Variants in CACNB2 observed in about 807,000 individuals in gnomAD.
CACNB2 encodes the protein voltage-dependent L-type calcium channel subunit beta-2.
CACNB2 carries 42 observed loss-of-function variants against 73.3 expected under a neutral mutation model. The ratio of observed to expected loss-of-function variants is 0.57; its 90% CI spans 0.45 to 0.74. The LOEUF (loss-of-function observed/expected upper bound fraction) is 0.74. Ranked by LOEUF, CACNB2 falls within the 30% of genes least tolerant of loss-of-function variation. CACNB2 has a pLI of 0.00. For synonymous variants in CACNB2, 348 were observed against 310.3 expected, an observed-to-expected ratio of 1.12 and a Z score of -1.28; for missense variants, 940 against 853.0, an observed-to-expected ratio of 1.10 and a Z score of -1.27.
chr10:18,532,498 C>G (rs969800399), intron 10 of CACNB2, among the ~76,000 whole-genome samples: 1 of 151,762 alleles, frequency 6.6e-6, no homozygotes. Context: ...CATGGTGAAA[C>G]GCCATCTCTA....
chr10:18,174,121 T>C (rs2033426528), intron 2 of CACNB2, among the ~76,000 whole-genome samples: 1 of 152,296 alleles, frequency 6.6e-6, no homozygotes, highest in East Asian at 1.9e-4. Context: ...TTACCATTGT[T>C]TGAAAGAAGT....
intron 2 of CACNB2, among the ~76,000 whole-genome samples, chr10:18,346,527 A>G (rs1020603569): frequency 2.6e-5 from 4 of 152,146 alleles, no homozygotes; most frequent in African/African-American, 9.7e-5. Flanking sequence ...TAATTCACAA[A>G]TAGTCATCAC....
chr10:18,417,360 C>CTTTTT (rs34847923), intron 3 of CACNB2, among the ~76,000 whole-genome samples: 14 of 87,004 alleles, frequency 1.6e-4, no homozygotes, highest in African/African-American at 3.6e-4. Context: ...GCTAAAAATT[C>CTTTTT]TTTTTTTTTT....
Position 18,172,924 on chromosome 10 carries a change from C to CTTTT in CACNB2, c.213+21961_213+21964dup, listed in dbSNP as rs58345605. ...CTTCAAATAGGGAAAATAATAAGGC[C>CTTTT]TTTTTTTTTTTTTTTAAATGGAGTT... On this transcript the variant is annotated intron_variant, in intron 2 of 13. Coordinates refer to ENST00000324631, the MANE Select transcript of CACNB2 (RefSeq NM_201596.3). Among the ~76,000 whole-genome samples, 56 of 117,478 alleles carry CTTTT rather than the reference C, an allele frequency of 4.8e-4. 1 individual carries two copies. The highest frequency in any genetic ancestry group is 1.8e-3 in the African/African-American group (54 of 30,128). 77.1% of individuals were successfully genotyped at this position (117,478 alleles called of 152,430 possible).
chr10:18,235,121 C>T (rs12243820), intron 2 of CACNB2, among the ~76,000 whole-genome samples: 6,774 of 130,010 alleles, frequency 0.052, 548 homozygotes, highest in African/African-American at 0.18. Flanking sequence ...CCAGCCTGGG[C>T]GACAGAGCGA....
At chr10:18,469,880 C>T (rs2048092121) in intron 3 of CACNB2, among the ~76,000 whole-genome samples, 1 of 152,218 alleles carries the variant, frequency 6.6e-6, no homozygotes, top group Non-Finnish European at 1.5e-5. Context: ...CACATTTATA[C>T]ATGTTTATGT....
chr10:18,371,684 G>A (rs2042590386), intron 2 of CACNB2, among the ~76,000 whole-genome samples: 2 of 152,148 alleles, frequency 1.3e-5, no homozygotes, highest in South Asian at 4.1e-4. Context: ...TGTCTTTATA[G>A]CAGCATGATT....
At chr10:18,401,709 G>A (rs113728681) in intron 2 of CACNB2, among the ~76,000 whole-genome samples, 15 of 152,118 alleles carry the variant, frequency 9.9e-5, no homozygotes, top group African/African-American at 3.6e-4. Flanking sequence ...ATAAAGCTTG[G>A]GAAGGAATGG....
intron 2 of CACNB2, among the ~76,000 whole-genome samples, chr10:18,315,940 GACA>G (rs1236832129): frequency 6.6e-6 from 1 of 152,072 alleles, no homozygotes; most frequent in Non-Finnish European, 1.5e-5. Flanking sequence ...TCGGAGTACA[GACA>G]GTAGCAAAAT....
In CACNB2 at chr10:18,534,253, C is replaced by T. The variant is rs780623972; in HGVS notation, c.1206+26C>T. Reference sequence around the variant, plus strand: ...GTAAGTAGGACTGCTACTGTTTGCTCTATAATCAAACTTTCCTAAAATGTA... The same window carrying T: ...GTAAGTAGGACTGCTACTGTTTGCTTTATAATCAAACTTTCCTAAAATGTA... On this transcript the variant is annotated intron_variant, in intron 11 of 13. Transcript: ENST00000324631. 2.5e-6 allele frequency: 4 copies of T among 1,589,316 alleles called. No homozygotes were observed. The African/African-American group carries it at 4.0e-5, about 16-fold the overall frequency.
At chr10:18,306,509 A>T (rs1167675898) in intron 2 of CACNB2, among the ~76,000 whole-genome samples, 1 of 152,324 alleles carries the variant, frequency 6.6e-6, no homozygotes, top group South Asian at 2.1e-4. Context: ...TCCTTGGAAA[A>T]TGAAGAAGGC....
chr10:18,268,513 A>G (rs1248000935), intron 2 of CACNB2, among the ~76,000 whole-genome samples: 1 of 152,252 alleles, frequency 6.6e-6, no homozygotes, highest in African/African-American at 2.4e-5. Flanking sequence ...TTATATAAAA[A>G]TTAAGACGTA....
intron 3 of CACNB2, among the ~76,000 whole-genome samples, chr10:18,406,835 G>A (rs1218907618): frequency 6.6e-6 from 1 of 152,114 alleles, no homozygotes; most frequent in African/African-American, 2.4e-5. Context: ...GGATGGACAG[G>A]TGAAGTTTAG....
chr10:18,539,510 A>G lies in CACNB2; in HGVS notation c.1769A>G (p.His590Arg). ...DHYASHRDHN[H>R]RDETHGSSDH... ...TATGCCTCACACCGTGACCACAACC[A>G]CAGAGACGAGACCCACGGGAGCAGT... The change falls in exon 14 of 14, where the codon CAC (histidine) becomes CGC (arginine). Residue 590 changes from histidine to arginine, a missense_variant. His to Arg is a conservative substitution (Grantham distance 29). Transcript: ENST00000324631. 1 of 1,613,902 alleles carries G rather than the reference A, an allele frequency of 6.2e-7. No homozygotes were observed. Among genetic ancestry groups the G allele is most frequent in the Non-Finnish European group, 8.5e-7 (1 of 1,179,962 alleles).
intron 2 of CACNB2, among the ~76,000 whole-genome samples, chr10:18,337,658 C>A (rs935743755): frequency 3.3e-5 from 5 of 152,152 alleles, no homozygotes; most frequent in Non-Finnish European, 7.3e-5. Context: ...CCCTTCCCCT[C>A]ACTAACGCTT....
intron 2 of CACNB2, among the ~76,000 whole-genome samples, chr10:18,172,834 G>A (rs1008139001): frequency 4.6e-5 from 7 of 151,128 alleles, no homozygotes; most frequent in Non-Finnish European, 7.4e-5. Context: ...TCTTATCCAC[G>A]CTCCTGAACT....
At chr10:18,335,891 T>G (rs2040987378) in intron 2 of CACNB2, among the ~76,000 whole-genome samples, 1 of 152,076 alleles carries the variant, frequency 6.6e-6, no homozygotes, top group Non-Finnish European at 1.5e-5. Flanking sequence ...AATTCCTATA[T>G]GTTCCATTTA....
At position 18,539,816 on chromosome 10, in the gene CACNB2, A is replaced by C; in HGVS notation, c.*92A>C. ...ACAAAGTCTTTGGGGTCTACACTGC[A>C]ATCATATGTGATCTGTCTTGTAATA... On this transcript the variant is annotated 3_prime_UTR_variant, in exon 14 of 14. Coordinates refer to ENST00000324631, the MANE Select transcript of CACNB2 (RefSeq NM_201596.3). 8.0e-7 allele frequency: 1 copy of C among 1,249,670 alleles called. No individual in the cohort carries two copies. Among genetic ancestry groups the C allele is most frequent in the Non-Finnish European group, 1.1e-6 (1 of 883,158 alleles). 77.4% of individuals were successfully genotyped at this position (1,249,670 alleles called of 1,614,324 possible). A position where few individuals can be genotyped will look rare whatever the true frequency, so the allele number is the denominator to read the frequency against.
chr10:18,265,155 T>TG (rs2037736958), intron 2 of CACNB2, among the ~76,000 whole-genome samples: 1 of 149,754 alleles, frequency 6.7e-6, no homozygotes, highest in African/African-American at 2.5e-5. Context: ...TCTTCTTTTT[T>TG]TTTTTTTTTT....
Sources: allele counts gnomAD v4.1 joint callset (sites outside exome capture counted in the v4.1 genomes callset), GRCh38; gene constraint gnomAD v4.1.1; transcripts MANE v1.5; gene names NCBI Gene and HGNC (gene_info 2026-07-23, HGNC 2026-07-21).